SLC2A9: variants seen among roughly 807,000 people sequenced by gnomAD.
SLC2A9 encodes the protein solute carrier family 2 member 9, also known as solute carrier family 2, facilitated glucose transporter member 9.
In SLC2A9, 39 loss-of-function variants were observed where a neutral mutation model predicts 50.6. That is an observed-to-expected ratio of 0.77 (90% CI 0.60 to 1.01). The LOEUF (loss-of-function observed/expected upper bound fraction) is 1.01, where lower values mean the gene tolerates loss of function less well. Ranked by LOEUF, SLC2A9 falls within the 50% of genes least tolerant of loss-of-function variation. The pLI, the probability that SLC2A9 is intolerant of heterozygous loss-of-function variation, is 0.00. For missense variants in SLC2A9, 686 were observed against 677.6 expected, an observed-to-expected ratio of 1.01 and a Z score of -0.14; for synonymous variants, 324 against 276.9, an observed-to-expected ratio of 1.17 and a Z score of -1.69.
At chr4:9,867,234 A>G (rs1306808090) in intron 10 of SLC2A9, among the ~76,000 whole-genome samples, 1 of 152,254 alleles carries the variant, frequency 6.6e-6, no homozygotes, top group Non-Finnish European at 1.5e-5. Flanking sequence ...CTCAGCTTCC[A>G]TAAGAGCTTG....
intron 1 of SLC2A9, among the ~76,000 whole-genome samples, chr4:10,028,430 A>C (rs981570350): frequency 1.2e-4 from 18 of 152,148 alleles, no homozygotes; most frequent in Admixed American, 1.3e-4. Flanking sequence ...TGACATCCAC[A>C]CTGGCTGAGG....
chr4:9,779,918 C>T (rs1718105000), exon 4 of SLC2A9: 1 of 152,158 alleles, frequency 6.6e-6, no homozygotes, highest in Admixed American at 6.5e-5. Context: ...TGGTGTTCTC[C>T]AGGAGAAGAA....
At chr4:10,010,531 G>A (rs1289201143) in intron 2 of SLC2A9, among the ~76,000 whole-genome samples, 1 of 152,174 alleles carries the variant, frequency 6.6e-6, no homozygotes, top group Admixed American at 6.5e-5. Context: ...CTCTTAACCT[G>A]TGAAGTTTGG....
chr4:9,777,304 T>C (rs1264674868), downstream of SLC2A9, among the ~76,000 whole-genome samples: 4 of 151,930 alleles, frequency 2.6e-5, no homozygotes, highest in African/African-American at 9.7e-5. Flanking sequence ...TTTCTTTTTT[T>C]TTTTTTTTTA....
At chr4:9,956,289 C>G (rs906046792) in intron 5 of SLC2A9, among the ~76,000 whole-genome samples, 1 of 151,504 alleles carries the variant, frequency 6.6e-6, no homozygotes, top group Non-Finnish European at 1.5e-5. Flanking sequence ...CGAGACCATC[C>G]TGGCTAACAT....
intron 3 of SLC2A9, chr4:9,782,284 G>A: frequency 6.2e-7 from 1 of 1,613,988 alleles, no homozygotes; most frequent in South Asian, 1.1e-5. Context: ...CTCTGGCCGT[G>A]TCAGACCTTT....
chr4:9,778,122 G>C (rs574492175), downstream of SLC2A9, among the ~76,000 whole-genome samples: 4 of 122,810 alleles, frequency 3.3e-5, no homozygotes, highest in Admixed American at 9.3e-5. Context: ...CCTTCTCCCC[G>C]CCTCCCCCGA....
At chr4:9,775,771 C>T (rs1454687524), downstream of SLC2A9, among the ~76,000 whole-genome samples, 9 of 152,164 alleles carry the variant, frequency 5.9e-5, no homozygotes, top group African/African-American at 2.2e-4. Context: ...CCCGCAAAAC[C>T]ATGAGACAAT....
intron 3 of SLC2A9, chr4:9,782,206 G>A (rs752541804): frequency 1.2e-6 from 2 of 1,611,318 alleles, no homozygotes; most frequent in Admixed American, 1.7e-5. Context: ...TGGGCAACGT[G>A]CTGGTGTGCG....
chr4:10,021,358 G>C lies in SLC2A9; in HGVS notation c.72C>G (p.Ala24=), dbSNP rs138916724. 210 of 1,614,236 alleles carry C rather than the reference G, an allele frequency of 1.3e-4. 1 individual carries two copies. In the African/African-American group the frequency reaches 2.6e-3, roughly 20 times the overall value. The change falls in exon 1 of 12, where the codon GCC becomes GCG. Residue 24 remains alanine, a synonymous_variant. Transcript: ENST00000264784. ...GTGCCCTCCCTGGCCCTGGAGGCCC[G>C]GCGTGGCTGGTGTCATCTGTGAGGG... ...LVPLTDDTSH[A]GPPGPGRALL...
intron 7 of SLC2A9, among the ~76,000 whole-genome samples, chr4:9,915,855 C>A (rs570146388): frequency 6.6e-6 from 1 of 152,310 alleles, no homozygotes; most frequent in South Asian, 2.1e-4. Context: ...TCAGGAGAAT[C>A]TTTTCAAAAC....
At position 9,960,740 on chromosome 4, in the gene SLC2A9, G is replaced by A. The variant is rs181504478; in HGVS notation, c.682-18695C>T. ...GAAGGCTGAGTGACATGGATTGAGA[G>A]GGGTGATGAGAGAGGTGATTCCAGG... On this transcript the variant is annotated intron_variant, in intron 5 of 11. Transcript: ENST00000264784. Among the ~76,000 whole-genome samples, 12 of 152,338 alleles carry A rather than the reference G, an allele frequency of 7.9e-5. No individual in the cohort carries two copies. In the East Asian group the frequency reaches 2.3e-3, roughly 29 times the overall value.
At chr4:10,026,147 C>G, upstream of SLC2A9, 1 of 628,252 alleles carries the variant, frequency 1.6e-6, no homozygotes, top group South Asian at 1.8e-5. Flanking sequence ...ACAGCAGCAT[C>G]CTCGCTTGGG....
At chr4:9,935,827 A>T (rs941084203) in intron 6 of SLC2A9, among the ~76,000 whole-genome samples, 1 of 152,138 alleles carries the variant, frequency 6.6e-6, no homozygotes, top group African/African-American at 2.4e-5. Flanking sequence ...AACAGTTTCC[A>T]TTCCACTCTT....
At chr4:10,009,812 C>T (rs1761453341) in intron 2 of SLC2A9, 1 of 152,242 alleles carries the variant, frequency 6.6e-6, no homozygotes, top group Non-Finnish European at 1.5e-5. Context: ...CCTTCCTTCT[C>T]TCACTCACTA....
chr4:9,971,094 T>C (rs943459272), intron 5 of SLC2A9, among the ~76,000 whole-genome samples: 2 of 152,194 alleles, frequency 1.3e-5, no homozygotes, highest in African/African-American at 2.4e-5. Flanking sequence ...GGAGCTCGGA[T>C]TTTAAGACAG....
chr4:10,018,689 CA>C (rs1454184827), intron 2 of SLC2A9, among the ~76,000 whole-genome samples: 2 of 152,198 alleles, frequency 1.3e-5, no homozygotes, highest in Non-Finnish European at 2.9e-5. Context: ...GATCGCCCCC[CA>C]CCCCACCCCG....
downstream of SLC2A9, among the ~76,000 whole-genome samples, chr4:9,822,675 T>C (rs961339115): frequency 2.6e-5 from 4 of 152,248 alleles, no homozygotes; most frequent in African/African-American, 9.6e-5. Flanking sequence ...TACTGAGATA[T>C]TGTTCCAGTC....
At chr4:10,001,804 T>G (rs1759872300) in intron 2 of SLC2A9, among the ~76,000 whole-genome samples, 2 of 152,242 alleles carry the variant, frequency 1.3e-5, no homozygotes, top group Admixed American at 1.3e-4. Context: ...TATCTGCCTT[T>G]TAGGCTCCCC....
Sources: allele counts gnomAD v4.1 joint callset (sites outside exome capture counted in the v4.1 genomes callset), GRCh38; gene constraint gnomAD v4.1.1; transcripts MANE v1.5; gene names NCBI Gene and HGNC (gene_info 2026-07-23, HGNC 2026-07-21).